Variants in DMRT1 observed in about 807,000 individuals in gnomAD.
DMRT1 encodes the protein doublesex and mab-3 related transcription factor 1.
Under a neutral mutation model 32.3 loss-of-function variants are expected in DMRT1, and 7 were observed. That is an observed-to-expected ratio of 0.22 (90% CI 0.12 to 0.41). DMRT1 has a LOEUF of 0.41. Among genes scored for constraint, DMRT1 ranks in the 10% least tolerant of loss-of-function variants. DMRT1 has a pLI of 1.00. For synonymous variants in DMRT1, 278 were observed against 206.1 expected (o/e 1.35, Z -2.99); for missense variants, 625 against 500.5 (o/e 1.25, Z -2.37).
At chr9:947,712 C>T (rs1181576352) in intron 4 of DMRT1, among the ~76,000 whole-genome samples, 1 of 152,134 alleles carries the variant, frequency 6.6e-6, no homozygotes, top group Non-Finnish European at 1.5e-5. Flanking sequence ...CAGCCTCCGC[C>T]TCCCGACCAA....
chr9:950,042 C>G (rs146482280), intron 4 of DMRT1, among the ~76,000 whole-genome samples: 5 of 152,222 alleles, frequency 3.3e-5, no homozygotes, highest in Non-Finnish European at 7.4e-5. Context: ...GATACCTTTT[C>G]AAGATCCTGA....
chr9:933,335 C>T (rs571937735), intron 4 of DMRT1, among the ~76,000 whole-genome samples: 2 of 152,214 alleles, frequency 1.3e-5, no homozygotes, highest in Non-Finnish European at 2.9e-5. Context: ...CTTCTACATC[C>T]TTAGCACTCA....
chr9:874,839 G>C (rs868699033), intron 2 of DMRT1, among the ~76,000 whole-genome samples: 1 of 118,150 alleles, frequency 8.5e-6, no homozygotes, highest in South Asian at 2.7e-4. Flanking sequence ...ATGGAGTCTC[G>C]CTCTGTCACC....
At chr9:894,234 G>C (rs1817265266) in intron 3 of DMRT1, 39 bp downstream of exon 3, 1 of 1,607,048 alleles carries the variant, frequency 6.2e-7, no homozygotes, top group Non-Finnish European at 8.5e-7. Flanking sequence ...CTGGTTGTGT[G>C]AAAGCCACAT....
chr9:892,777 AC>A (rs1817202934), intron 2 of DMRT1, among the ~76,000 whole-genome samples: 1 of 152,028 alleles, frequency 6.6e-6, no homozygotes, highest in Non-Finnish European at 1.5e-5. Flanking sequence ...GGCCCGCCTC[AC>A]CTTACCCTAG....
At chr9:865,659 C>G (rs1444235766) in intron 2 of DMRT1, among the ~76,000 whole-genome samples, 1 of 152,122 alleles carries the variant, frequency 6.6e-6, no homozygotes, top group Non-Finnish European at 1.5e-5. Flanking sequence ...AGAATTACAT[C>G]TTTGGGTGAG....
intron 4 of DMRT1, among the ~76,000 whole-genome samples, chr9:917,359 C>T (rs1049723158): frequency 3.3e-5 from 5 of 152,136 alleles, no homozygotes; most frequent in African/African-American, 1.2e-4. Flanking sequence ...TACAATAGAT[C>T]TCAGAGTTTA....
chr9:910,114 C>G (rs1162068943), intron 3 of DMRT1, among the ~76,000 whole-genome samples: 1 of 152,058 alleles, frequency 6.6e-6, no homozygotes, highest in Non-Finnish European at 1.5e-5. Flanking sequence ...TGCAAATGAG[C>G]ATTACTTAGA....
chr9:967,964 C>G, intron 4 of DMRT1, 21 bp from the exon 5 acceptor site: 1 of 1,612,298 alleles, frequency 6.2e-7, no homozygotes, highest in East Asian at 2.2e-5. Flanking sequence ...TTCTCTCTTT[C>G]TCTCTCACCT....
intron 2 of DMRT1, among the ~76,000 whole-genome samples, chr9:870,926 C>T (rs945283435): frequency 6.6e-6 from 1 of 151,906 alleles, no homozygotes; most frequent in African/African-American, 2.4e-5. Flanking sequence ...GTTGCCCAGG[C>T]TGGTTTTAAA....
At chr9:959,426 G>C (rs1305302080) in intron 4 of DMRT1, among the ~76,000 whole-genome samples, 3 of 152,238 alleles carry the variant, frequency 2.0e-5, no homozygotes, top group Non-Finnish European at 4.4e-5. Flanking sequence ...TCTGTGTCCA[G>C]GCTTTGCATA....
At chr9:929,307 C>CT (rs1818631195) in intron 4 of DMRT1, among the ~76,000 whole-genome samples, 1 of 151,504 alleles carries the variant, frequency 6.6e-6, no homozygotes, top group East Asian at 2.0e-4. Context: ...CAGTTTTTTT[C>CT]TTTTTTTGAG....
chr9:853,891 G>A (rs1815272672), intron 2 of DMRT1, among the ~76,000 whole-genome samples: 1 of 151,994 alleles, frequency 6.6e-6, no homozygotes, highest in Non-Finnish European at 1.5e-5. Flanking sequence ...CAACTCCTAG[G>A]CTCAAACAAT....
intron 2 of DMRT1, among the ~76,000 whole-genome samples, chr9:880,802 C>T (rs10739168): frequency 0.76 from 115,022 of 151,048 alleles, 43,907 homozygotes; most frequent in East Asian, 0.82. Context: ...GGACCAGCGG[C>T]CTTCCCCACC....
At chr9:881,489 A>G (rs745555358) in intron 2 of DMRT1, among the ~76,000 whole-genome samples, 24 of 152,202 alleles carry the variant, frequency 1.6e-4, no homozygotes, top group Admixed American at 3.3e-4. Context: ...TCTGAATCCT[A>G]TATCTACATG....
At chr9:894,624 T>C (rs1221616652) in intron 3 of DMRT1, 2 of 290,950 alleles carry the variant, frequency 6.9e-6, no homozygotes, top group Non-Finnish European at 1.3e-5. Flanking sequence ...GGGTAAAGCC[T>C]TCTGGGTGGC....
intron 3 of DMRT1, among the ~76,000 whole-genome samples, chr9:911,949 G>A (rs992554813): frequency 6.6e-5 from 10 of 152,162 alleles, no homozygotes; most frequent in African/African-American, 2.4e-4. Context: ...ACCTCAGTAA[G>A]TTCATGTACT....
intron 2 of DMRT1, among the ~76,000 whole-genome samples, chr9:873,498 T>TA (rs1816364299): frequency 6.6e-6 from 1 of 151,790 alleles, no homozygotes; most frequent in Admixed American, 6.6e-5. Context: ...TTTTTTTTTT[T>TA]AGTAGAGATG....
At chr9:867,978 A>C (rs772549735) in intron 2 of DMRT1, among the ~76,000 whole-genome samples, 4 of 152,298 alleles carry the variant, frequency 2.6e-5, no homozygotes, top group Non-Finnish European at 5.9e-5. Flanking sequence ...TTAGGAAATC[A>C]ACAATTGTTG....
Sources: gnomAD v4.1 joint callset for allele counts (sites outside exome capture counted in the v4.1 genomes callset) on GRCh38, gnomAD v4.1.1 for gene constraint, MANE v1.5 for transcripts, NCBI Gene and HGNC (gene_info 2026-07-23, HGNC 2026-07-21) for gene names.